CCDC148: variants seen among roughly 807,000 people sequenced by gnomAD.
CCDC148 encodes the protein coiled-coil domain-containing protein 148.
Under a neutral mutation model 85.7 loss-of-function variants are expected in CCDC148, and 89 were observed. The observed-to-expected ratio is 1.04, with a 90% CI of 0.87 to 1.24. The LOEUF is 1.24. Ranked by LOEUF, CCDC148 falls within the 50% of genes most tolerant of loss-of-function variation. The probability of loss-of-function intolerance (pLI) is 0.00; values close to 1 mark genes in which losing one functional copy is unlikely to be tolerated. For synonymous variants in CCDC148, 230 were observed against 213.9 expected, an observed-to-expected ratio of 1.08 and a Z score of -0.66; for missense variants, 692 against 671.7, an observed-to-expected ratio of 1.03 and a Z score of -0.33.
At chr2:158,184,653 G>C (rs1051422082) in intron 11 of CCDC148, among the ~76,000 whole-genome samples, 1 of 152,040 alleles carries the variant, frequency 6.6e-6, no homozygotes, top group Non-Finnish European at 1.5e-5. Context: ...GCAATGCCAA[G>C]GCCTCGCTCC....
intron 10 of CCDC148, among the ~76,000 whole-genome samples, chr2:158,236,723 G>C (rs1688124768): frequency 6.6e-6 from 1 of 152,112 alleles, no homozygotes; most frequent in African/African-American, 2.4e-5. Context: ...AGACCTCTCA[G>C]CTTGGCATGC....
At chr2:158,199,249 T>G (rs1188383202) in intron 11 of CCDC148, among the ~76,000 whole-genome samples, 1 of 152,132 alleles carries the variant, frequency 6.6e-6, no homozygotes, top group Non-Finnish European at 1.5e-5. Context: ...TAATTTTTAT[T>G]TATATATTTT....
At chr2:158,238,805 C>A (rs986098266) in intron 10 of CCDC148, among the ~76,000 whole-genome samples, 2 of 152,106 alleles carry the variant, frequency 1.3e-5, no homozygotes, top group Non-Finnish European at 2.9e-5. Flanking sequence ...AGGACCAAAG[C>A]CATTAAAGCG....
chr2:158,261,449 A>G (rs1689218294), intron 9 of CCDC148, among the ~76,000 whole-genome samples: 2 of 152,122 alleles, frequency 1.3e-5, no homozygotes, highest in South Asian at 2.1e-4. Context: ...CATCCTGCAC[A>G]TAGGAATGGG....
intron 1 of CCDC148, among the ~76,000 whole-genome samples, chr2:158,437,571 A>G (rs771810878): frequency 6.6e-6 from 1 of 152,220 alleles, no homozygotes; most frequent in Non-Finnish European, 1.5e-5. Context: ...CTGGCACAAG[A>G]CAGGGATGCC....
At chr2:158,183,666 A>G (rs896247088) in intron 11 of CCDC148, among the ~76,000 whole-genome samples, 1 of 152,160 alleles carries the variant, frequency 6.6e-6, no homozygotes, top group Non-Finnish European at 1.5e-5. Context: ...ACCACCTAAC[A>G]TTTCAGGCAA....
chr2:158,433,277 T>TATATATAA (rs1486048925), intron 1 of CCDC148, among the ~76,000 whole-genome samples: 1 of 120,062 alleles, frequency 8.3e-6, no homozygotes, highest in Non-Finnish European at 1.9e-5. Context: ...TATATATATA[T>TATATATAA]AAAACAAAAG....
chr2:158,234,614 A>G (rs1396013935), intron 10 of CCDC148, among the ~76,000 whole-genome samples: 1 of 152,332 alleles, frequency 6.6e-6, no homozygotes, highest in South Asian at 2.1e-4. Context: ...TCACAACCTT[A>G]AAAGGGTGAA....
chr2:158,425,079 T>A, intron 1 of CCDC148: 1 of 461,994 alleles, frequency 2.2e-6, no homozygotes, highest in South Asian at 1.5e-5. Flanking sequence ...AAGGCATAAT[T>A]GGAATCAATG....
intron 3 of CCDC148, among the ~76,000 whole-genome samples, chr2:158,341,064 C>T (rs1682661813): frequency 6.6e-6 from 1 of 152,086 alleles, no homozygotes; most frequent in African/African-American, 2.4e-5. Flanking sequence ...AGGAGGGTAT[C>T]AGACAAATCT....
At position 158,172,059 on chromosome 2, in the gene CCDC148, T is replaced by C. The variant is rs1175197126; in HGVS notation, c.*54A>G. ...AGAAAGTAGTAATTATTATTATCCATATACATGTTTTCAAAGAAAAATGCT... is the reference window on the plus strand; with the variant it reads ...AGAAAGTAGTAATTATTATTATCCACATACATGTTTTCAAAGAAAAATGCT... On this transcript the variant is annotated 3_prime_UTR_variant, in exon 14 of 14. Coordinates refer to ENST00000283233, the MANE Select transcript of CCDC148 (RefSeq NM_138803.4). 6 of 1,245,502 alleles carry C rather than the reference T, an allele frequency of 4.8e-6. No homozygotes were observed. The African/African-American group carries it at 9.2e-5, about 19-fold the overall frequency. The allele number at this position is 1,245,502 out of a possible 1,614,324, so 77.2% of individuals were successfully genotyped here.
intron 7 of CCDC148, among the ~76,000 whole-genome samples, chr2:158,325,277 C>T (rs192629079): frequency 1.0e-3 from 157 of 152,248 alleles, no homozygotes; most frequent in Middle Eastern, 0.01. Context: ...TCTAAAGCCA[C>T]CAACAACCTC....
intron 7 of CCDC148, among the ~76,000 whole-genome samples, chr2:158,332,566 T>C (rs916445043): frequency 2.0e-5 from 3 of 150,342 alleles, no homozygotes; most frequent in Non-Finnish European, 4.4e-5. Flanking sequence ...TTAGGGAGGA[T>C]TCCCTCTTTT....
intron 9 of CCDC148, among the ~76,000 whole-genome samples, chr2:158,275,461 G>C (rs2105167016): frequency 6.6e-6 from 1 of 152,260 alleles, no homozygotes; most frequent in Non-Finnish European, 1.5e-5. Flanking sequence ...TTGCTTCTAG[G>C]TAATAATTAG....
chr2:158,222,933 C>A (rs1170228907), intron 10 of CCDC148, among the ~76,000 whole-genome samples: 1 of 152,120 alleles, frequency 6.6e-6, no homozygotes, highest in Non-Finnish European at 1.5e-5. Context: ...AACTGAGGTA[C>A]CGGGTTCATC....
rs555644924 is a variant in CCDC148, at chr2:158,290,129, T to C, written c.1110+19304A>G. ...CTGGGAGACATGTGAGATGCAGATA[T>C]GCAGGTTGAGGTGAGGCACACAGGA... On this transcript the variant is annotated intron_variant, in intron 9 of 13. Coordinates refer to ENST00000283233, the MANE Select transcript of CCDC148 (RefSeq NM_138803.4). Among the ~76,000 whole-genome samples, 31 of 152,190 alleles carry C rather than the reference T, an allele frequency of 2.0e-4. No homozygotes were observed. In the South Asian group the frequency reaches 4.1e-3, roughly 20 times the overall value.
intron 1 of CCDC148, among the ~76,000 whole-genome samples, chr2:158,377,346 T>C (rs1684697123): frequency 6.6e-6 from 1 of 151,970 alleles, no homozygotes; most frequent in South Asian, 2.1e-4. Context: ...CATAGGATTT[T>C]CCATTTGGCT....
chr2:158,313,059 T>A (rs1692111105), intron 8 of CCDC148, among the ~76,000 whole-genome samples: 2 of 152,242 alleles, frequency 1.3e-5, no homozygotes, highest in South Asian at 4.1e-4. Context: ...ACTTAAAAAT[T>A]AAAAGTCTGT....
chr2:158,356,521 C>T (rs1287809740), intron 2 of CCDC148, among the ~76,000 whole-genome samples: 1 of 152,128 alleles, frequency 6.6e-6, no homozygotes, highest in East Asian at 1.9e-4. Flanking sequence ...CAAATCAAAA[C>T]TACAATGAGA....
Sources: gnomAD v4.1 joint callset for allele counts (sites outside exome capture counted in the v4.1 genomes callset) on GRCh38, gnomAD v4.1.1 for gene constraint, MANE v1.5 for transcripts, NCBI Gene and HGNC (gene_info 2026-07-23, HGNC 2026-07-21) for gene names.